MAGI2: variants seen among roughly 807,000 people sequenced by gnomAD.
The protein encoded by MAGI2 is membrane-associated guanylate kinase, WW and PDZ domain-containing protein 2.
A neutral mutation model predicts 133.3 loss-of-function variants in MAGI2; 35 were observed. The ratio of observed to expected loss-of-function variants is 0.26; its 90% CI spans 0.20 to 0.35. The LOEUF is 0.35. Ranked by LOEUF, MAGI2 falls within the 10% of genes least tolerant of loss-of-function variation. The pLI is 1.00. For synonymous variants in MAGI2, 729 were observed against 710.6 expected (o/e 1.03, Z -0.41); for missense variants, 1,636 against 1,863.4 (o/e 0.88, Z 2.25).
chr7:79,325,318 TG>T lies in MAGI2; in HGVS notation c.301+127701del, dbSNP rs1188385190. On this transcript the variant is annotated intron_variant, in intron 1 of 21. Coordinates refer to ENST00000354212, the MANE Select transcript of MAGI2 (RefSeq NM_012301.4). ...CCCTCCCTTTGCTCATGCTCGTGCC[TG>T]GAATGTCCTTCTTGAGACTTTCTGA... Among the ~76,000 whole-genome samples, 2 of 152,134 alleles carry T rather than the reference TG, an allele frequency of 1.3e-5. 1 individual carries two copies. Among genetic ancestry groups the T allele is most frequent in the Non-Finnish European group, 2.9e-5 (2 of 68,032 alleles).
At chr7:79,273,892 C>T (rs558900471) in intron 1 of MAGI2, among the ~76,000 whole-genome samples, 8 of 152,010 alleles carry the variant, frequency 5.3e-5, no homozygotes, top group African/African-American at 1.7e-4. Context: ...AATTATGGTA[C>T]TAATAAAAAA....
intron 2 of MAGI2, among the ~76,000 whole-genome samples, chr7:78,753,124 C>T (rs1286682131): frequency 6.6e-6 from 1 of 151,954 alleles, no homozygotes; most frequent in East Asian, 1.9e-4. Context: ...CACTCATACT[C>T]AAGAATAAAA....
intron 1 of MAGI2, among the ~76,000 whole-genome samples, chr7:79,262,070 T>G (rs1834129515): frequency 6.6e-6 from 1 of 152,180 alleles, no homozygotes; most frequent in African/African-American, 2.4e-5. Flanking sequence ...AATCTTCAAT[T>G]ATTATATCAC....
intron 6 of MAGI2, among the ~76,000 whole-genome samples, chr7:78,419,991 T>A (rs539576725): frequency 6.6e-6 from 1 of 152,192 alleles, no homozygotes; most frequent in Admixed American, 6.5e-5. Context: ...AGGATAGTAA[T>A]GCCAGAGGAC....
At chr7:79,246,503 T>C (rs1305063412) in intron 1 of MAGI2, among the ~76,000 whole-genome samples, 1 of 152,104 alleles carries the variant, frequency 6.6e-6, no homozygotes, top group Non-Finnish European at 1.5e-5. Flanking sequence ...GAAAATGCAA[T>C]AGACATACTG....
chr7:79,109,070 C>T (rs1361076155), intron 1 of MAGI2, among the ~76,000 whole-genome samples: 1 of 152,178 alleles, frequency 6.6e-6, no homozygotes, highest in Non-Finnish European at 1.5e-5. Flanking sequence ...TCTTTATAGA[C>T]TATCCAGTCT....
intron 6 of MAGI2, among the ~76,000 whole-genome samples, chr7:78,444,442 C>T (rs1787929364): frequency 6.6e-6 from 1 of 152,056 alleles, no homozygotes; most frequent in South Asian, 2.1e-4. Flanking sequence ...AAGAAACCCA[C>T]ACTCATACCC....
At chr7:79,211,314 T>C (rs943918600) in intron 1 of MAGI2, among the ~76,000 whole-genome samples, 10 of 152,058 alleles carry the variant, frequency 6.6e-5, no homozygotes, top group Non-Finnish European at 1.3e-4. Flanking sequence ...TCTTGTTCTG[T>C]CATCCAGGCT....
intron 3 of MAGI2, among the ~76,000 whole-genome samples, chr7:78,532,105 A>G (rs1434537618): frequency 2.0e-5 from 3 of 152,166 alleles, no homozygotes; most frequent in African/African-American, 7.2e-5. Flanking sequence ...ATGACTGTGA[A>G]CCGGGCAGCA....
At chr7:78,289,127 G>C (rs1288900601) in intron 9 of MAGI2, among the ~76,000 whole-genome samples, 1 of 152,154 alleles carries the variant, frequency 6.6e-6, no homozygotes, top group Non-Finnish European at 1.5e-5. Flanking sequence ...GGCAGAAGTA[G>C]GCTTCAGATG....
In MAGI2 at chr7:78,127,143, G is replaced by T. The variant is rs559349297; in HGVS notation, c.3423+54C>A. The T allele has an allele frequency of 4.5e-6, 6 of 1,334,690 alleles. No individual in the cohort carries two copies. In the South Asian group the frequency reaches 8.7e-5, roughly 19 times the overall value. 82.7% of individuals were successfully genotyped at this position (1,334,690 alleles called of 1,614,324 possible). ...CTCTGCCTCTCCTATTTCATTCCTT[G>T]CAGTTCTCTGGAAGCCTTGGTCAGG... On this transcript the variant is annotated intron_variant, in intron 19 of 21. Transcript: ENST00000354212.
In MAGI2 at chr7:78,031,726, A is replaced by T. The variant is rs536429264; in HGVS notation, c.3707-11750T>A. Among the ~76,000 whole-genome samples the T allele has an allele frequency of 1.1e-4, 17 of 152,334 alleles. No homozygotes were observed. In the East Asian group the frequency reaches 3.3e-3, roughly 29 times the overall value. On this transcript the variant is annotated intron_variant, in intron 21 of 21. Transcript: ENST00000354212. Reference sequence around the variant, plus strand: ...AAAAGGGATGAGAATAATTAATCAAAAAGTACTTATGTCACGGGAGAGATG... The same window carrying T: ...AAAAGGGATGAGAATAATTAATCAATAAGTACTTATGTCACGGGAGAGATG...
chr7:78,760,043 A>C (rs1217701015), intron 2 of MAGI2, among the ~76,000 whole-genome samples: 1 of 152,066 alleles, frequency 6.6e-6, no homozygotes, highest in Non-Finnish European at 1.5e-5. Flanking sequence ...TGAACCCTGA[A>C]AGGTGGAGGT....
At chr7:78,310,169 G>A (rs1383213097) in intron 9 of MAGI2, among the ~76,000 whole-genome samples, 1 of 152,112 alleles carries the variant, frequency 6.6e-6, no homozygotes, top group African/African-American at 2.4e-5. Flanking sequence ...AGGCGTGGTG[G>A]CTCACAACTG....
Position 79,006,218 on chromosome 7 carries a change from C to T in MAGI2, c.418+872G>A, listed in dbSNP as rs141613577. The stretch of plus-strand genomic sequence containing the variant: ...TATTTGTTTCACTTATACCAGCCAA[C>T]TTTTTCTTTATTTAATGTTATCCTT... On this transcript the variant is annotated intron_variant, in intron 2 of 21. Coordinates refer to ENST00000354212, the MANE Select transcript of MAGI2 (RefSeq NM_012301.4). Among the ~76,000 whole-genome samples the T allele has an allele frequency of 1.4e-3, 209 of 152,154 alleles. 1 individual carries two copies. Among genetic ancestry groups the T allele is most frequent in the African/African-American group, 4.7e-3 (194 of 41,534 alleles).
In MAGI2 at chr7:78,220,292, T is replaced by A. The variant is rs541978435; in HGVS notation, c.2048-19099A>T. On this transcript the variant is annotated intron_variant, in intron 10 of 21. Coordinates refer to ENST00000354212, the MANE Select transcript of MAGI2 (RefSeq NM_012301.4). ...CTCATGCACCACCTCTGAAATGCTG[T>A]CACCACTCTTTCTCTTCCTGGTAGA... is the stretch of plus-strand genomic sequence containing the variant. Among the ~76,000 whole-genome samples, 79 of 152,344 alleles carry A rather than the reference T, an allele frequency of 5.2e-4. 3 individuals carry two copies. In the South Asian group the frequency reaches 0.016, roughly 31 times the overall value.
At chr7:78,872,408 G>A (rs1052788871) in intron 2 of MAGI2, among the ~76,000 whole-genome samples, 3 of 152,002 alleles carry the variant, frequency 2.0e-5, no homozygotes, top group South Asian at 4.1e-4. Flanking sequence ...TCATCAATAA[G>A]TTAAATAAGA....
At chr7:78,998,104 A>T (rs1056452504) in intron 2 of MAGI2, among the ~76,000 whole-genome samples, 1 of 152,166 alleles carries the variant, frequency 6.6e-6, no homozygotes, top group Non-Finnish European at 1.5e-5. Context: ...CAGAGTTATG[A>T]TGGCATCCTT....
chr7:78,288,276 AAAT>A (rs893549819), intron 9 of MAGI2, among the ~76,000 whole-genome samples: 2 of 152,212 alleles, frequency 1.3e-5, no homozygotes, highest in African/African-American at 4.8e-5. Flanking sequence ...GCTACATGAA[AAAT>A]AATATTTAAA....
Sources: allele counts gnomAD v4.1 joint callset (sites outside exome capture counted in the v4.1 genomes callset), GRCh38; gene constraint gnomAD v4.1.1; transcripts MANE v1.5; gene names NCBI Gene and HGNC (gene_info 2026-07-23, HGNC 2026-07-21).